Variants in HK2 observed in about 807,000 individuals in gnomAD.
The protein encoded by HK2 is hexokinase 2, also known as hexokinase-2.
In HK2, 42 loss-of-function variants were observed where a neutral mutation model predicts 92.9. The ratio of observed to expected loss-of-function variants is 0.45; its 90% CI spans 0.35 to 0.58. The LOEUF is 0.58. Ranked by LOEUF, HK2 falls within the 20% of genes least tolerant of loss-of-function variation. HK2 has a pLI of 0.00. For missense variants in HK2, 978 were observed against 1,245.1 expected, an observed-to-expected ratio of 0.79 and a Z score of 3.23; for synonymous variants, 422 against 468.0, an observed-to-expected ratio of 0.90 and a Z score of 1.27.
intron 2 of HK2, 97 bp from the exon 3 acceptor site, chr2:74,867,539 C>T (rs945562287): frequency 9.3e-6 from 13 of 1,392,730 alleles, no homozygotes; most frequent in Non-Finnish European, 1.3e-5. Flanking sequence ...CGCCCCTTAC[C>T]CACAGATATT....
At chr2:74,867,870 G>A (rs1308907489) in intron 3 of HK2, 86 bp downstream of exon 3, 12 of 1,486,526 alleles carry the variant, frequency 8.1e-6, no homozygotes, top group African/African-American at 4.1e-5. Context: ...CGCTCCCAGC[G>A]TGTGGATAGG....
rs189086970 is a variant in HK2 at position 74,849,143 on chromosome 2, G to C, written c.64-5150G>C. ...AATTTCCTCTCCTTTTTTAAGTGCTGGTCTGGAGGAAAATGCAGGTACTTA... is the reference window on the plus strand; with the variant it reads ...AATTTCCTCTCCTTTTTTAAGTGCTCGTCTGGAGGAAAATGCAGGTACTTA... On this transcript the variant is annotated intron_variant, in intron 1 of 17. Transcript: ENST00000290573. Among the ~76,000 whole-genome samples, 467 of 152,280 alleles carry C rather than the reference G, an allele frequency of 3.1e-3. 1 individual carries two copies. The highest frequency in any genetic ancestry group is 5.6e-3 in the Non-Finnish European group (380 of 68,024).
intron 2 of HK2, among the ~76,000 whole-genome samples, chr2:74,860,513 A>G (rs1419941761): frequency 6.6e-6 from 1 of 152,112 alleles, no homozygotes; most frequent in Non-Finnish European, 1.5e-5. Context: ...CGACTCACAC[A>G]GTATTTGTTT....
chr2:74,885,437 G>A lies in HK2; in HGVS notation c.1840-57G>A, dbSNP rs984357846. 2.4e-5 allele frequency: 30 copies of A among 1,263,794 alleles called. No individual in the cohort carries two copies. The Admixed American group carries it at 5.1e-4, about 21-fold the overall frequency. The allele number at this position is 1,263,794 out of a possible 1,614,324, so 78.3% of individuals were successfully genotyped here. ...AGCTAGAAGCACAGCTGGACCCCCA[G>A]AACTGACCTGGGAGCTCTTCCCTGA... On this transcript the variant is annotated intron_variant, in intron 12 of 17. Coordinates refer to ENST00000290573, the MANE Select transcript of HK2 (RefSeq NM_000189.5).
intron 4 of HK2, 143 bp from the exon 5 acceptor site, chr2:74,873,133 G>C (rs541029083): frequency 6.5e-5 from 48 of 741,128 alleles, no homozygotes; most frequent in South Asian, 6.4e-4. Flanking sequence ...CTTTTTCCTA[G>C]GCTAGCCAGG....
At chr2:74,883,225 C>G (rs544328891) in intron 12 of HK2, among the ~76,000 whole-genome samples, 19 of 152,314 alleles carry the variant, frequency 1.2e-4, no homozygotes, top group South Asian at 1.0e-3. Context: ...AAAGGCATGG[C>G]TCCTACCTTT....
intron 3 of HK2, among the ~76,000 whole-genome samples, chr2:74,869,245 T>C (rs527294548): frequency 6.6e-6 from 1 of 152,218 alleles, no homozygotes; most frequent in Admixed American, 6.5e-5. Flanking sequence ...GAAGAAAATA[T>C]AGGTATCTTT....
At chr2:74,876,923 G>A (rs1252143608) in intron 7 of HK2, among the ~76,000 whole-genome samples, 1 of 152,152 alleles carries the variant, frequency 6.6e-6, no homozygotes, top group Non-Finnish European at 1.5e-5. Flanking sequence ...CTCCCTGTGT[G>A]TTTCATTTGG....
chr2:74,867,949 G>A, intron 3 of HK2, 165 bp downstream of exon 3: 4 of 777,420 alleles, frequency 5.1e-6, no homozygotes, highest in Non-Finnish European at 9.0e-6. Context: ...AGCTCAGGCT[G>A]TTCTGGTTGT....
chr2:74,887,609 A>T (rs1203891366), intron 15 of HK2, among the ~76,000 whole-genome samples: 3 of 151,830 alleles, frequency 2.0e-5, no homozygotes, highest in Non-Finnish European at 4.4e-5. Flanking sequence ...ATTTCGAAAT[A>T]AGCCTTGGAA....
rs974092382 is a variant in HK2, at chr2:74,889,192, T to C, written c.2376-53T>C. On this transcript the variant is annotated intron_variant, in intron 16 of 17. Coordinates refer to ENST00000290573, the MANE Select transcript of HK2 (RefSeq NM_000189.5). Reference sequence around the variant, plus strand: ...GGACTCAGGCCCTGGTGTGGTAGGCTACCAGCCTTCTTGGTGCATGACTGA... The same window carrying C: ...GGACTCAGGCCCTGGTGTGGTAGGCCACCAGCCTTCTTGGTGCATGACTGA... The C allele has an allele frequency of 2.1e-6, 3 of 1,460,136 alleles. No homozygotes were observed. The East Asian group carries it at 7.1e-5, about 35-fold the overall frequency. The allele number at this position is 1,460,136 out of a possible 1,614,324, so 90.4% of individuals were successfully genotyped here. A position where few individuals can be genotyped will look rare whatever the true frequency, so the allele number is the denominator to read the frequency against.
At position 74,867,769 on chromosome 2, in the gene HK2, A is replaced by T. The variant is rs1558797397; in HGVS notation, c.360A>T (p.Arg120=). The T allele has an allele frequency of 1.2e-6, 2 of 1,614,170 alleles. No individual in the cohort carries two copies. The highest frequency in any genetic ancestry group is 1.7e-6 in the Non-Finnish European group (2 of 1,180,018). The change falls in exon 3 of 18, where the codon CGA becomes CGT. Residue 120 remains arginine, a synonymous_variant. Coordinates refer to ENST00000290573, the MANE Select transcript of HK2 (RefSeq NM_000189.5). ...ATGCCATCCCTGAGGACATCATGCG[A>T]GGCAGTGGCACCCAGGTATGACCCT... ...QIYAIPEDIM[R]GSGTQLFDHI... is the part of the protein sequence containing the mutation.
Position 74,886,394 on chromosome 2 carries a change from G to C in HK2, c.2035+1G>C. On this transcript the variant is annotated splice_donor_variant, in intron 14 of 17. Coordinates refer to ENST00000290573, the MANE Select transcript of HK2 (RefSeq NM_000189.5). LOFTEE classifies it high-confidence loss of function. ...CACTGTGAAGTTGGCCTCATTGTTG[G>C]TAAGGACCCAGACTGTCCTTTCCAC... 1 of 1,614,116 alleles carries C rather than the reference G, an allele frequency of 6.2e-7. No individual in the cohort carries two copies. The highest frequency in any genetic ancestry group is 8.5e-7 in the Non-Finnish European group (1 of 1,179,992).
intron 2 of HK2, among the ~76,000 whole-genome samples, chr2:74,865,517 C>T (rs1291780950): frequency 2.0e-5 from 3 of 152,068 alleles, no homozygotes; most frequent in Non-Finnish European, 2.9e-5. Context: ...ACAGCCACCA[C>T]GTTGTGTTTC....
intron 10 of HK2, 78 bp downstream of exon 10, chr2:74,880,647 C>T: frequency 7.2e-7 from 1 of 1,398,332 alleles, no homozygotes; most frequent in Non-Finnish European, 1.0e-6. Context: ...GATCCCTTAG[C>T]ATTAGCATTG....
intron 7 of HK2, among the ~76,000 whole-genome samples, chr2:74,876,760 C>G (rs1442602709): frequency 6.6e-6 from 1 of 152,200 alleles, no homozygotes; most frequent in Non-Finnish European, 1.5e-5. Context: ...TGCTACATAT[C>G]TAATCAGATC....
chr2:74,887,821 G>A (rs1414128391), intron 15 of HK2, 82 bp from the exon 16 acceptor site: 1 of 1,299,126 alleles, frequency 7.7e-7, no homozygotes, highest in South Asian at 1.2e-5. Flanking sequence ...GATGCACTGG[G>A]GGTGACTAAG....
intron 12 of HK2, among the ~76,000 whole-genome samples, chr2:74,884,778 G>T (rs1002554394): frequency 9.2e-5 from 14 of 152,204 alleles, no homozygotes; most frequent in Non-Finnish European, 1.9e-4. Context: ...AGCAGAGAGG[G>T]CATCAGGGAA....
intron 1 of HK2, among the ~76,000 whole-genome samples, chr2:74,838,763 C>G (rs1050716642): frequency 6.6e-6 from 1 of 152,126 alleles, no homozygotes; most frequent in Non-Finnish European, 1.5e-5. Flanking sequence ...TGGTCTCAAT[C>G]TCCTGACCTC....
Sources: allele counts gnomAD v4.1 joint callset (sites outside exome capture counted in the v4.1 genomes callset), GRCh38; gene constraint gnomAD v4.1.1; transcripts MANE v1.5; gene names NCBI Gene and HGNC (gene_info 2026-07-23, HGNC 2026-07-21).